The following DPYSL2 variants were observed in gnomAD, a reference collection of about 807,000 sequenced individuals.
DPYSL2 encodes dihydropyrimidinase like 2.
In DPYSL2, 13 loss-of-function variants were observed where a neutral mutation model predicts 69.9. That is an observed-to-expected ratio of 0.19 (90% CI 0.12 to 0.30). The LOEUF (loss-of-function observed/expected upper bound fraction) is 0.30, where lower values mean the gene tolerates loss of function less well. Among genes scored for constraint, DPYSL2 ranks in the 10% least tolerant of loss-of-function variants. The pLI is 1.00. For missense variants in DPYSL2, 587 were observed against 918.9 expected (o/e 0.64, Z 4.67); for synonymous variants, 326 against 359.1 (o/e 0.91, Z 1.04).
chr8:26,652,139 G>A lies in DPYSL2; in HGVS notation c.1597-118G>A. The A allele has an allele frequency of 1.0e-6, 1 of 993,382 alleles. No individual in the cohort carries two copies. The highest frequency in any genetic ancestry group is 1.4e-6 in the Non-Finnish European group (1 of 712,714). The allele number at this position is 993,382 out of a possible 1,614,324, so 61.5% of individuals were successfully genotyped here. ...CCTGCTGGGGTGCCCAGTTGGGACA[G>A]GATCCCTGTCTCTGAGTCTCTCTTT... On this transcript the variant is annotated intron_variant, in intron 11 of 13. Transcript: ENST00000521913. This position sits in a 1 kb window ranked among gnomAD's most constrained non-coding sequence, Gnocchi z 6.3.
intron 3 of DPYSL2, chr8:26,623,900 CAG>C: frequency 2.3e-6 from 1 of 433,556 alleles, no homozygotes; most frequent in South Asian, 3.3e-5. Context: ...TTTGGGAAAT[CAG>C]ATCTGGGCAG....
At chr8:26,541,521 A>C (rs1156265967) in intron 1 of DPYSL2, among the ~76,000 whole-genome samples, 2 of 152,226 alleles carry the variant, frequency 1.3e-5, no homozygotes, top group Non-Finnish European at 2.9e-5. Flanking sequence ...TAAATCACAC[A>C]GGGAAAGGTA....
At position 26,655,724 on chromosome 8, in the gene DPYSL2, G is replaced by T; in HGVS notation, c.*18G>T. Reference sequence around the variant, plus strand: ...TGGGCTAGAGCTCCTGGGCTGTGCCGTCCACTGGGGACTGGGGATGGGACA... The same window carrying T: ...TGGGCTAGAGCTCCTGGGCTGTGCCTTCCACTGGGGACTGGGGATGGGACA... On this transcript the variant is annotated 3_prime_UTR_variant, in exon 14 of 14. Coordinates refer to ENST00000521913, the MANE Select transcript of DPYSL2 (RefSeq NM_001197293.3). 3 of 1,577,196 alleles carry T rather than the reference G, an allele frequency of 1.9e-6. No homozygotes were observed. Among genetic ancestry groups the T allele is most frequent in the Non-Finnish European group, 2.6e-6 (3 of 1,160,932 alleles).
intron 1 of DPYSL2, among the ~76,000 whole-genome samples, chr8:26,559,163 G>C (rs1028040738): frequency 6.6e-6 from 1 of 152,020 alleles, no homozygotes; most frequent in African/African-American, 2.4e-5. Flanking sequence ...GGCTGGTCTC[G>C]AACTCCTGAG....
rs778095854 is a variant in DPYSL2 at position 26,588,071 on chromosome 8, AC to A, written c.628+4089del. Among the ~76,000 whole-genome samples the A allele has an allele frequency of 3.3e-5, 5 of 152,146 alleles. No homozygotes were observed. Among genetic ancestry groups the A allele is most frequent in the Non-Finnish European group, 5.9e-5 (4 of 68,018 alleles). On this transcript the variant is annotated intron_variant, in intron 3 of 13. Coordinates refer to ENST00000521913, the MANE Select transcript of DPYSL2 (RefSeq NM_001197293.3). The surrounding 1 kb of genome is among the most constrained non-coding windows in gnomAD (Gnocchi z 5.4). The stretch of plus-strand genomic sequence containing the variant: ...ATGGGGCAAGTTTTGACAAAGGTGG[AC>A]TGTGGTGGCATCACAACAGCATCTG...
intron 3 of DPYSL2, among the ~76,000 whole-genome samples, chr8:26,607,258 G>T (rs1316743259): frequency 7.0e-6 from 1 of 142,322 alleles, no homozygotes; most frequent in Admixed American, 7.0e-5. Context: ...GCTGAGGTGG[G>T]TGAATTGCCT....
chr8:26,624,092 C>T lies in DPYSL2; in HGVS notation c.629-51C>T. ...TCAAGTGGGAAAATACCTGCTGGCC[C>T]ACGGCCCTTGAGGCTCTTGGTGATG... On this transcript the variant is annotated intron_variant, in intron 3 of 13. Transcript: ENST00000521913. This position sits in a 1 kb window ranked among gnomAD's most constrained non-coding sequence, Gnocchi z 4.7. The T allele has an allele frequency of 6.2e-7, 1 of 1,602,208 alleles. No homozygotes were observed.
chr8:26,536,233 C>A (rs78716606), intron 1 of DPYSL2, among the ~76,000 whole-genome samples: 4,244 of 151,784 alleles, frequency 0.028, 204 homozygotes, highest in African/African-American at 0.096. Context: ...AGCCAATGCA[C>A]CCAACCTTAA....
In DPYSL2 at chr8:26,545,956, G is replaced by T. The variant is rs115296426; in HGVS notation, c.354+31277G>T. On this transcript the variant is annotated intron_variant, in intron 1 of 13. Coordinates refer to ENST00000521913, the MANE Select transcript of DPYSL2 (RefSeq NM_001197293.3). ...ACTTGTTCTACTCCTTCAATTTCAC[G>T]TTGCCTATTCTGGGTCTTTTGGCTT... Among the ~76,000 whole-genome samples the T allele has an allele frequency of 9.6e-3, 1,466 of 152,196 alleles. 18 individuals are homozygous for T. The highest frequency in any genetic ancestry group is 0.033 in the African/African-American group (1,387 of 41,500).
chr8:26,516,334 TTGAG>T lies in DPYSL2; in HGVS notation c.354+1660_354+1663del, dbSNP rs1808290256. Among the ~76,000 whole-genome samples, 1 of 152,138 alleles carries T rather than the reference TTGAG, an allele frequency of 6.6e-6. No homozygotes were observed. The highest frequency in any genetic ancestry group is 2.4e-5 in the African/African-American group (1 of 41,406). ...TGAAACACTTCCCTGTGTGAGTACA[TTGAG>T]TGAGGGCCAAAATCATATAGCATCT... On this transcript the variant is annotated intron_variant, in intron 1 of 13. Coordinates refer to ENST00000521913, the MANE Select transcript of DPYSL2 (RefSeq NM_001197293.3). This position sits in a 1 kb window ranked among gnomAD's most constrained non-coding sequence, Gnocchi z 4.8.
At position 26,514,074 on chromosome 8, in the gene DPYSL2, C is replaced by A. The variant is rs1330187034; in HGVS notation, c.-252C>A. On this transcript the variant is annotated 5_prime_UTR_variant, in exon 1 of 14. Coordinates refer to ENST00000521913, the MANE Select transcript of DPYSL2 (RefSeq NM_001197293.3). This position sits in a 1 kb window ranked among gnomAD's most constrained non-coding sequence, Gnocchi z 8.4. The stretch of plus-strand genomic sequence containing the variant: ...GCAGCGGACGCCCTCCCAGATCCAA[C>A]TTTGCCGCTTCCCCGAGCTCGCGCT... The A allele has an allele frequency of 5.7e-5, 20 of 351,340 alleles. No homozygotes were observed. Among genetic ancestry groups the A allele is most frequent in the Admixed American group, 9.7e-5 (2 of 20,692 alleles). The allele number at this position is 351,340 out of a possible 1,614,324, so 21.8% of individuals were successfully genotyped here. A position where few individuals can be genotyped will look rare whatever the true frequency, so the allele number is the denominator to read the frequency against.
chr8:26,558,894 A>G (rs575544074), intron 1 of DPYSL2, among the ~76,000 whole-genome samples: 81 of 152,374 alleles, frequency 5.3e-4, no homozygotes, highest in Non-Finnish European at 9.1e-4. Context: ...TAGATAAAAC[A>G]TGAATTTAAA....
In DPYSL2 at chr8:26,560,594, G is replaced by A. The variant is rs1022730993; in HGVS notation, c.355-21375G>A. On this transcript the variant is annotated intron_variant, in intron 1 of 13. Transcript: ENST00000521913. The surrounding 1 kb of genome is among the most constrained non-coding windows in gnomAD (Gnocchi z 4.4). The stretch of plus-strand genomic sequence containing the variant: ...TTGAGGGCTTCCTCTCTCCCAAGCA[G>A]AAATAATGGGTCTTGGTGATACCCA... Among the ~76,000 whole-genome samples the A allele has an allele frequency of 2.6e-5, 4 of 152,096 alleles. No individual in the cohort carries two copies. Among genetic ancestry groups the A allele is most frequent in the Admixed American group, 2.0e-4 (3 of 15,266 alleles).
intron 1 of DPYSL2, among the ~76,000 whole-genome samples, chr8:26,581,477 A>G (rs940940989): frequency 6.6e-5 from 10 of 151,904 alleles, no homozygotes; most frequent in African/African-American, 2.2e-4. Context: ...GCTTCAAGCA[A>G]TTCTCCTGCC....
rs1808251225 is a variant in DPYSL2, at chr8:26,514,892, C to T, written c.354+213C>T. On this transcript the variant is annotated intron_variant, in intron 1 of 13. Coordinates refer to ENST00000521913, the MANE Select transcript of DPYSL2 (RefSeq NM_001197293.3). This position sits in a 1 kb window ranked among gnomAD's most constrained non-coding sequence, Gnocchi z 8.4. ...CGGCCGTGCGCCCACAAAGGCTGCC[C>T]GCGTCTCCTTGAGCTTGAGAGGTGG... Among the ~76,000 whole-genome samples, 1 of 152,154 alleles carries T rather than the reference C, an allele frequency of 6.6e-6. No homozygotes were observed. The highest frequency in any genetic ancestry group is 6.5e-5 in the Admixed American group (1 of 15,288).
intron 1 of DPYSL2, among the ~76,000 whole-genome samples, chr8:26,537,633 C>CACACACACACA (rs767431643): frequency 6.6e-4 from 101 of 151,946 alleles, no homozygotes; most frequent in Middle Eastern, 3.4e-3. Flanking sequence ...CACACACACA[C>CACACACACACA]AACTGTATAT....
intron 3 of DPYSL2, among the ~76,000 whole-genome samples, chr8:26,590,389 C>T (rs937692003): frequency 2.6e-5 from 4 of 152,338 alleles, no homozygotes; most frequent in South Asian, 2.1e-4. Context: ...AAGCAGATGC[C>T]GGGAGCCTGG....
At chr8:26,629,670 T>C (rs1215518102) in intron 7 of DPYSL2, among the ~76,000 whole-genome samples, 2 of 152,194 alleles carry the variant, frequency 1.3e-5, no homozygotes, top group Admixed American at 6.5e-5. Context: ...TGGTGGACAG[T>C]GATTGCAGGG....
At chr8:26,535,898 T>TTGTGTGTGTGTGTG (rs112620337) in intron 1 of DPYSL2, among the ~76,000 whole-genome samples, 23 of 141,262 alleles carry the variant, frequency 1.6e-4, no homozygotes, top group African/African-American at 6.2e-4. Flanking sequence ...TCTCTATGGG[T>TTGTGTGTGTGTGTG]TGTGTGTGTG....
Sources: gnomAD v4.1 joint callset for allele counts (sites outside exome capture counted in the v4.1 genomes callset) on GRCh38, gnomAD v4.1.1 for gene constraint, Gnocchi (gnomAD v3.1) non-coding constraint, MANE v1.5 for transcripts, NCBI Gene and HGNC (gene_info 2026-07-23, HGNC 2026-07-21) for gene names.